WDFY4: variants seen among roughly 807,000 people sequenced by gnomAD.
WDFY4 encodes the protein WD repeat- and FYVE domain-containing protein 4.
In WDFY4, 169 loss-of-function variants were observed where a neutral mutation model predicts 351.9. The observed-to-expected ratio is 0.48, with a 90% CI of 0.42 to 0.55. The LOEUF is 0.55. Ranked by LOEUF, WDFY4 falls within the 20% of genes least tolerant of loss-of-function variation. The probability of loss-of-function intolerance (pLI) is 0.00; values close to 1 mark genes in which losing one functional copy is unlikely to be tolerated. For missense variants in WDFY4, 3,803 were observed against 3,935.6 expected (o/e 0.97, Z 0.90); for synonymous variants, 1,622 against 1,574.6 (o/e 1.03, Z -0.71).
chr10:48,962,921 A>G (rs1477999990), intron 53 of WDFY4, among the ~76,000 whole-genome samples: 5 of 152,180 alleles, frequency 3.3e-5, no homozygotes, highest in Non-Finnish European at 5.9e-5. Flanking sequence ...CAGTGAAGGA[A>G]GTTCACATTC....
At chr10:48,734,593 A>G (rs549269855) in intron 10 of WDFY4, among the ~76,000 whole-genome samples, 2 of 151,906 alleles carry the variant, frequency 1.3e-5, no homozygotes, top group East Asian at 3.9e-4. Flanking sequence ...TGATTTAGGC[A>G]TCTTTATCTG....
intron 44 of WDFY4, among the ~76,000 whole-genome samples, chr10:48,893,581 G>A (rs137894586): frequency 6.8e-4 from 104 of 152,306 alleles, no homozygotes; most frequent in Non-Finnish European, 1.1e-3. Context: ...TTGAAAATCT[G>A]TCTTATGCTC....
At chr10:48,876,927 C>T in intron 42 of WDFY4, 106 bp from the exon 43 acceptor site, 1 of 1,201,960 alleles carries the variant, frequency 8.3e-7, no homozygotes, top group South Asian at 1.9e-5. Flanking sequence ...TCACTTCGGC[C>T]CTGGAGCCTT....
intron 43 of WDFY4, among the ~76,000 whole-genome samples, chr10:48,885,529 G>C (rs1564448904): frequency 6.6e-6 from 1 of 152,192 alleles, no homozygotes; most frequent in Non-Finnish European, 1.5e-5. Flanking sequence ...AAAGATTGGA[G>C]GTGTGGCTGT....
chr10:48,843,307 T>A (rs1360401068), intron 39 of WDFY4, among the ~76,000 whole-genome samples: 2 of 152,212 alleles, frequency 1.3e-5, no homozygotes, highest in African/African-American at 4.8e-5. Flanking sequence ...ATATGAAGGC[T>A]GTGATTGAGG....
intron 1 of WDFY4, among the ~76,000 whole-genome samples, chr10:48,689,230 A>T (rs2063134966): frequency 6.6e-6 from 1 of 152,216 alleles, no homozygotes. Context: ...AGTGCTATAA[A>T]CCATCAAAAT....
chr10:48,779,376 G>T (rs1284252582), intron 18 of WDFY4, among the ~76,000 whole-genome samples: 1 of 152,214 alleles, frequency 6.6e-6, no homozygotes, highest in African/African-American at 2.4e-5. Context: ...TGTTCTCCAG[G>T]CTCATTTGCC....
chr10:48,856,435 A>T (rs1487636476), intron 39 of WDFY4, among the ~76,000 whole-genome samples: 1 of 152,108 alleles, frequency 6.6e-6, no homozygotes, highest in African/African-American at 2.4e-5. Flanking sequence ...TTTTTCAACT[A>T]CATGTCTATG....
chr10:48,879,763 A>G (rs1477308790), intron 43 of WDFY4, among the ~76,000 whole-genome samples: 1 of 152,096 alleles, frequency 6.6e-6, no homozygotes, highest in Non-Finnish European at 1.5e-5. Flanking sequence ...GCTGGCTGCC[A>G]GGGTTCATCT....
chr10:48,839,067 G>A (rs1486812471), intron 39 of WDFY4, among the ~76,000 whole-genome samples: 1 of 152,204 alleles, frequency 6.6e-6, no homozygotes, highest in South Asian at 2.1e-4. Context: ...GGCTCTCCAT[G>A]TTCAGGAGCT....
At chr10:48,873,395 G>A in intron 40 of WDFY4, 96 bp from the exon 41 acceptor site, 1 of 1,335,412 alleles carries the variant, frequency 7.5e-7, no homozygotes, top group East Asian at 2.5e-5. Flanking sequence ...AAACATTCAT[G>A]GGAGACTTGG....
intron 5 of WDFY4, among the ~76,000 whole-genome samples, chr10:48,724,395 G>T (rs1012745434): frequency 3.9e-5 from 6 of 152,158 alleles, no homozygotes; most frequent in African/African-American, 1.4e-4. Flanking sequence ...AGAGGGTAGT[G>T]CATGAGTTCT....
At chr10:48,903,466 G>A (rs1366680917) in intron 47 of WDFY4, among the ~76,000 whole-genome samples, 1 of 152,190 alleles carries the variant, frequency 6.6e-6, no homozygotes, top group Non-Finnish European at 1.5e-5. Context: ...GAGAGATGAT[G>A]GTGGCTTGGA....
At chr10:48,877,348 G>A (rs2070059885) in intron 43 of WDFY4, 149 bp downstream of exon 43, 3 of 793,860 alleles carry the variant, frequency 3.8e-6, no homozygotes, top group Non-Finnish European at 5.8e-6. Context: ...AGTGAAAAAA[G>A]GGATAGATTC....
In WDFY4 at chr10:48,817,289, G is replaced by A. The variant is rs964450593; in HGVS notation, c.5385G>A (p.Pro1795=). The change falls in exon 32 of 62, where the codon CCG becomes CCA. Residue 1795 remains proline (P), a synonymous_variant. Transcript: ENST00000325239. ...SEDGAWAQTF[P]ASVLQFLSLV... Reference sequence around the variant, plus strand: ...ATGGTGCCTGGGCACAGACCTTCCCGGCCAGCGTGCTGCAGTTCCTCAGCC... The same window carrying A: ...ATGGTGCCTGGGCACAGACCTTCCCAGCCAGCGTGCTGCAGTTCCTCAGCC... 46 of 1,551,572 alleles carry A rather than the reference G, an allele frequency of 3.0e-5. 1 individual carries two copies. Among genetic ancestry groups the A allele is most frequent in the Middle Eastern group, 3.3e-4 (2 of 6,014 alleles).
Position 48,805,330 on chromosome 10 carries a change from G to A in WDFY4, c.4555G>A (p.Glu1519Lys). The A allele has an allele frequency of 1.9e-6, 3 of 1,548,478 alleles. No individual in the cohort carries two copies. Among genetic ancestry groups the A allele is most frequent in the Non-Finnish European group, 2.6e-6 (3 of 1,146,850 alleles). The change falls in exon 26 of 62, where the codon GAG becomes AAG. Residue 1519 changes from glutamate to lysine, a missense_variant. Transcript: ENST00000325239. ...ACCCAAGCTCATCTTCCTATTCAAT[G>A]AGCCGAGCCTCATCCCCTCCAAGAT... is the stretch of plus-strand genomic sequence containing the variant. ...LIPKLIFLFN[E>K]PSLIPSKIST...
intron 4 of WDFY4, 69 bp from the exon 5 acceptor site, chr10:48,723,364 A>T (rs557226220): frequency 6.6e-7 from 1 of 1,517,648 alleles, no homozygotes; most frequent in East Asian, 2.5e-5. Context: ...CAGGGGCCTG[A>T]TCCTGGGTCT....
At chr10:48,714,366 A>C (rs2063842613) in intron 2 of WDFY4, among the ~76,000 whole-genome samples, 1 of 152,232 alleles carries the variant, frequency 6.6e-6, no homozygotes, top group African/African-American at 2.4e-5. Context: ...TAGGATGTTT[A>C]GATTGCTGAC....
chr10:48,745,084 T>C (rs1222907133), intron 12 of WDFY4, among the ~76,000 whole-genome samples: 3 of 152,244 alleles, frequency 2.0e-5, no homozygotes, highest in African/African-American at 7.2e-5. Flanking sequence ...TGGATGTCTG[T>C]TTCCATCTTC....
Sources: allele counts gnomAD v4.1 joint callset (sites outside exome capture counted in the v4.1 genomes callset), GRCh38; gene constraint gnomAD v4.1.1; transcripts MANE v1.5; gene names NCBI Gene and HGNC (gene_info 2026-07-23, HGNC 2026-07-21).